Variants in NRCAM observed in about 807,000 individuals in gnomAD.
The protein encoded by NRCAM is NgCAM-related cell adhesion molecule.
Under a neutral mutation model 156.5 loss-of-function variants are expected in NRCAM, and 83 were observed. The ratio of observed to expected loss-of-function variants is 0.53; its 90% CI spans 0.44 to 0.64. The LOEUF (loss-of-function observed/expected upper bound fraction) is 0.64. Among genes scored for constraint, NRCAM ranks in the 30% least tolerant of loss-of-function variants. NRCAM has a pLI of 0.00. For missense variants in NRCAM, 1,417 were observed against 1,597.3 expected (o/e 0.89, Z 1.92); for synonymous variants, 538 against 563.9 (o/e 0.95, Z 0.65).
chr7:108,242,325 G>T (rs543312511), intron 3 of NRCAM, among the ~76,000 whole-genome samples: 1 of 145,554 alleles, frequency 6.9e-6, no homozygotes, highest in East Asian at 2.0e-4. Context: ...ATATTATTTT[G>T]TGAATAAAAC....
intron 2 of NRCAM, among the ~76,000 whole-genome samples, chr7:108,373,266 A>G (rs1384880903): frequency 1.3e-5 from 2 of 152,170 alleles, no homozygotes; most frequent in Admixed American, 6.6e-5. Flanking sequence ...AGTTCTAGAG[A>G]TCTGTCATAT....
intron 13 of NRCAM, among the ~76,000 whole-genome samples, chr7:108,201,602 C>T (rs1436053006): frequency 6.6e-6 from 1 of 152,040 alleles, no homozygotes; most frequent in Non-Finnish European, 1.5e-5. Context: ...AATAATGTTA[C>T]ACGACCATGA....
intron 2 of NRCAM, among the ~76,000 whole-genome samples, chr7:108,332,410 A>G (rs2099135901): frequency 1.3e-5 from 2 of 152,204 alleles, no homozygotes; most frequent in African/African-American, 4.8e-5. Context: ...ACCAAGAATG[A>G]AATTTGCTTT....
chr7:108,167,678 C>A (rs1032281269), intron 29 of NRCAM, among the ~76,000 whole-genome samples: 4 of 152,184 alleles, frequency 2.6e-5, no homozygotes, highest in Admixed American at 2.6e-4. Flanking sequence ...TGTAAGCACA[C>A]TGCACTTAGG....
chr7:108,390,235 G>C (rs1182800601), intron 2 of NRCAM, among the ~76,000 whole-genome samples: 1 of 152,168 alleles, frequency 6.6e-6, no homozygotes, highest in African/African-American at 2.4e-5. Flanking sequence ...TTCAGAGTCT[G>C]TTATTGGTCT....
chr7:108,207,373 G>T, intron 13 of NRCAM, 155 bp downstream of exon 13: 1 of 601,554 alleles, frequency 1.7e-6, no homozygotes. Flanking sequence ...ATATCTAATG[G>T]TAATAAAATG....
intron 3 of NRCAM, among the ~76,000 whole-genome samples, chr7:108,312,021 T>C (rs1365983741): frequency 6.6e-6 from 1 of 152,172 alleles, no homozygotes; most frequent in Non-Finnish European, 1.5e-5. Flanking sequence ...AGTTCAGTAC[T>C]ATAATAGATG....
At chr7:108,344,809 G>GA (rs1231470739) in intron 2 of NRCAM, among the ~76,000 whole-genome samples, 3 of 152,154 alleles carry the variant, frequency 2.0e-5, no homozygotes, top group East Asian at 1.9e-4. Context: ...TCATAGTTGA[G>GA]AAAAAAAGTA....
At chr7:108,189,380 T>C (rs1045751796) in intron 20 of NRCAM, among the ~76,000 whole-genome samples, 2 of 152,250 alleles carry the variant, frequency 1.3e-5, no homozygotes, top group African/African-American at 4.8e-5. Flanking sequence ...TTTAAAGTGA[T>C]TTTTATGGAT....
chr7:108,161,792 T>C (rs545949015), intron 30 of NRCAM, among the ~76,000 whole-genome samples: 86 of 152,218 alleles, frequency 5.6e-4, no homozygotes, highest in African/African-American at 1.3e-3. Flanking sequence ...AAAAAAAATA[T>C]GGACATATGT....
chr7:108,284,752 C>T (rs150730852), intron 3 of NRCAM, among the ~76,000 whole-genome samples: 51 of 152,300 alleles, frequency 3.3e-4, no homozygotes, highest in Non-Finnish European at 6.0e-4. Flanking sequence ...GATTTTCACT[C>T]GCATAGACAT....
At chr7:108,435,139 A>G (rs74301088) in intron 1 of NRCAM, among the ~76,000 whole-genome samples, 11,027 of 152,220 alleles carry the variant, frequency 0.072, 436 homozygotes, top group African/African-American at 0.099. Context: ...AACTAAAGAA[A>G]ACCATGTTTA....
At chr7:108,436,165 C>A (rs1831944719) in intron 1 of NRCAM, among the ~76,000 whole-genome samples, 1 of 152,028 alleles carries the variant, frequency 6.6e-6, no homozygotes. Context: ...AAAAATAATT[C>A]GCTCACACAC....
chr7:108,421,701 C>T (rs1810104738), intron 1 of NRCAM, among the ~76,000 whole-genome samples: 1 of 152,158 alleles, frequency 6.6e-6, no homozygotes, highest in African/African-American at 2.4e-5. Context: ...GGAACTGAAG[C>T]TATTCAATCT....
chr7:108,447,364 C>G (rs186512288), intron 1 of NRCAM, among the ~76,000 whole-genome samples: 1 of 148,408 alleles, frequency 6.7e-6, no homozygotes, highest in African/African-American at 2.5e-5. Flanking sequence ...CTCCTGGGTT[C>G]CAGTGATTCT....
intron 11 of NRCAM, among the ~76,000 whole-genome samples, chr7:108,214,462 A>G (rs2086672839): frequency 6.7e-6 from 1 of 149,346 alleles, no homozygotes. Context: ...TATCCCTTTT[A>G]TCATTTTTTA....
intron 3 of NRCAM, among the ~76,000 whole-genome samples, chr7:108,306,463 G>A (rs1169847827): frequency 2.0e-5 from 3 of 152,218 alleles, no homozygotes; most frequent in South Asian, 2.1e-4. Context: ...CAGCACCACT[G>A]GGCCATTTCT....
intron 13 of NRCAM, among the ~76,000 whole-genome samples, chr7:108,203,587 G>A (rs932745523): frequency 5.3e-5 from 8 of 151,998 alleles, no homozygotes; most frequent in Non-Finnish European, 1.2e-4. Context: ...ATGTGCACTC[G>A]GCAGCCAGAG....
At chr7:108,325,679 T>G (rs898234918) in intron 2 of NRCAM, among the ~76,000 whole-genome samples, 4 of 152,156 alleles carry the variant, frequency 2.6e-5, no homozygotes, top group Non-Finnish European at 5.9e-5. Flanking sequence ...TCATCTTTTT[T>G]TTTAATCTCA....
Sources: allele counts gnomAD v4.1 joint callset (sites outside exome capture counted in the v4.1 genomes callset), GRCh38; gene constraint gnomAD v4.1.1; transcripts MANE v1.5; gene names NCBI Gene and HGNC (gene_info 2026-07-23, HGNC 2026-07-21).